The following TNIP3 variants were observed in gnomAD, a reference collection of about 807,000 sequenced individuals.
TNIP3 encodes TNFAIP3-interacting protein 3.
TNIP3 carries 34 observed loss-of-function variants against 54.1 expected under a neutral mutation model. That is an observed-to-expected ratio of 0.63 (90% CI 0.48 to 0.84). The LOEUF (loss-of-function observed/expected upper bound fraction) is 0.84. Ranked by LOEUF, TNIP3 falls within the 40% of genes least tolerant of loss-of-function variation. The pLI, the probability that TNIP3 is intolerant of heterozygous loss-of-function variation, is 0.00. For missense variants in TNIP3, 366 were observed against 387.6 expected, an observed-to-expected ratio of 0.94 and a Z score of 0.47; for synonymous variants, 134 against 136.8, an observed-to-expected ratio of 0.98 and a Z score of 0.14.
In TNIP3 at chr4:121,154,617, C is replaced by A. The variant is rs748828182; in HGVS notation, c.426G>T (p.Lys142Asn). 5 of 1,613,532 alleles carry A rather than the reference C, an allele frequency of 3.1e-6. No homozygotes were observed. The highest frequency in any genetic ancestry group is 4.2e-6 in the Non-Finnish European group (5 of 1,179,878). Reference protein sequence around the residue: ...HELKEENKLLKGKNTLANKEK... With the variant: ...HELKEENKLLNGKNTLANKEK... ...CCTTGTTCGCAAGAGTATTTTTTCCCTTTAAAAGTTTATTCTCTTCTTTCA... is the reference window on the plus strand; with the variant it reads ...CCTTGTTCGCAAGAGTATTTTTTCCATTTAAAAGTTTATTCTCTTCTTTCA... The change falls in exon 5 of 11, where the codon AAG becomes AAT. Residue 142 changes from lysine to asparagine, a missense_variant. By Grantham distance (94) the Lys-to-Asn change is moderately conservative. Coordinates refer to ENST00000057513, the MANE Select transcript of TNIP3 (RefSeq NM_024873.6).
chr4:121,215,000 A>G (rs796827811), intron 2 of TNIP3, among the ~76,000 whole-genome samples: 1 of 152,208 alleles, frequency 6.6e-6, no homozygotes, highest in South Asian at 2.1e-4. Context: ...ATGCTAAATT[A>G]TATACAATTG....
chr4:121,144,053 C>A (rs1729283742), intron 7 of TNIP3, among the ~76,000 whole-genome samples: 1 of 152,164 alleles, frequency 6.6e-6, no homozygotes, highest in Non-Finnish European at 1.5e-5. Flanking sequence ...GGATGTATCA[C>A]AAAGCACCAC....
At chr4:121,200,919 C>A (rs1725848073) in intron 2 of TNIP3, among the ~76,000 whole-genome samples, 1 of 152,020 alleles carries the variant, frequency 6.6e-6, no homozygotes. Flanking sequence ...GGAAGTGTCA[C>A]AAAGTGAAAC....
intron 2 of TNIP3, among the ~76,000 whole-genome samples, chr4:121,189,489 ATTTACT>A (rs1725190865): frequency 6.6e-6 from 1 of 152,144 alleles, no homozygotes; most frequent in Non-Finnish European, 1.5e-5. Context: ...TGTTATTATG[ATTTACT>A]GTAACTATGC....
chr4:121,175,339 T>C (rs1724245787), intron 3 of TNIP3, among the ~76,000 whole-genome samples: 1 of 152,238 alleles, frequency 6.6e-6, no homozygotes, highest in Non-Finnish European at 1.5e-5. Flanking sequence ...AGACCTCAAG[T>C]TCTTTTTCTT....
chr4:121,227,255 A>G, intron 1 of TNIP3: 3 of 697,516 alleles, frequency 4.3e-6, no homozygotes, highest in Non-Finnish European at 7.0e-6. Context: ...AATATTACTG[A>G]GTTCCTGATC....
At chr4:121,173,451 A>G (rs1198456925) in intron 3 of TNIP3, among the ~76,000 whole-genome samples, 1 of 152,212 alleles carries the variant, frequency 6.6e-6, no homozygotes, top group African/African-American at 2.4e-5. Flanking sequence ...CAGCCTTCAA[A>G]AACTATAGTG....
chr4:121,225,838 G>T (rs982015965), intron 1 of TNIP3, among the ~76,000 whole-genome samples: 1 of 152,110 alleles, frequency 6.6e-6, no homozygotes, highest in African/African-American at 2.4e-5. Flanking sequence ...TTTGACTGAT[G>T]AGATAAATGG....
upstream of TNIP3, among the ~76,000 whole-genome samples, chr4:121,167,177 G>A (rs1419383586): frequency 6.6e-6 from 1 of 152,036 alleles, no homozygotes; most frequent in Non-Finnish European, 1.5e-5. Flanking sequence ...GACATTGTGT[G>A]GGTTCCAAAG....
intron 6 of TNIP3, among the ~76,000 whole-genome samples, chr4:121,148,205 G>A (rs1378444528): frequency 1.3e-5 from 2 of 152,168 alleles, no homozygotes; most frequent in Non-Finnish European, 2.9e-5. Context: ...TTCCAACTCA[G>A]TTTCTTTGTG....
chr4:121,218,003 G>A (rs1726872272), upstream of TNIP3, among the ~76,000 whole-genome samples: 2 of 152,014 alleles, frequency 1.3e-5, no homozygotes, highest in African/African-American at 4.8e-5. Flanking sequence ...GACTGATCTA[G>A]GATTAAACAC....
At chr4:121,215,120 T>C (rs963825641) in intron 2 of TNIP3, among the ~76,000 whole-genome samples, 1 of 152,214 alleles carries the variant, frequency 6.6e-6, no homozygotes, top group African/African-American at 2.4e-5. Flanking sequence ...TTCCAATTAA[T>C]TTTAAACACT....
At chr4:121,156,961 T>G in intron 4 of TNIP3, 133 bp downstream of exon 4, 1 of 1,150,576 alleles carries the variant, frequency 8.7e-7, no homozygotes, top group Non-Finnish European at 1.2e-6. Context: ...GCGTAACCCA[T>G]GCACCCTTGC....
At chr4:121,200,653 C>T (rs1360829212) in intron 2 of TNIP3, among the ~76,000 whole-genome samples, 2 of 152,064 alleles carry the variant, frequency 1.3e-5, no homozygotes, top group Non-Finnish European at 2.9e-5. Context: ...ACACTTAATG[C>T]CAAAGCTATT....
chr4:121,226,416 G>A (rs1053234487), intron 1 of TNIP3, among the ~76,000 whole-genome samples: 1 of 152,174 alleles, frequency 6.6e-6, no homozygotes, highest in East Asian at 1.9e-4. Flanking sequence ...GTTTGTTAAC[G>A]TTGATCCATT....
At chr4:121,153,520 A>T (rs570196881) in intron 5 of TNIP3, among the ~76,000 whole-genome samples, 1 of 152,196 alleles carries the variant, frequency 6.6e-6, no homozygotes, top group Non-Finnish European at 1.5e-5. Flanking sequence ...TTTGCCCCGC[A>T]TTTGTATGTC....
intron 2 of TNIP3, among the ~76,000 whole-genome samples, chr4:121,191,628 A>G (rs1725315772): frequency 6.6e-6 from 1 of 152,218 alleles, no homozygotes; most frequent in Non-Finnish European, 1.5e-5. Context: ...CCTGAATTTT[A>G]GACAGGTACA....
upstream of TNIP3, among the ~76,000 whole-genome samples, chr4:121,165,826 T>A (rs953515692): frequency 2.0e-5 from 3 of 152,200 alleles, no homozygotes; most frequent in Non-Finnish European, 4.4e-5. Flanking sequence ...TAAAAAGTTA[T>A]AACTCACATA....
intron 2 of TNIP3, among the ~76,000 whole-genome samples, chr4:121,185,690 A>T (rs185292726): frequency 3.3e-4 from 50 of 152,338 alleles, no homozygotes; most frequent in Non-Finnish European, 1.2e-4. Flanking sequence ...TATGTAAATA[A>T]ACTCAAACTC....
Sources: gnomAD v4.1 joint callset for allele counts (sites outside exome capture counted in the v4.1 genomes callset) on GRCh38, gnomAD v4.1.1 for gene constraint, MANE v1.5 for transcripts, NCBI Gene and HGNC (gene_info 2026-07-23, HGNC 2026-07-21) for gene names.